APC2: variants seen among roughly 807,000 people sequenced by gnomAD.
APC2 encodes APC regulator of Wnt signaling pathway 2.
A neutral mutation model predicts 72.5 loss-of-function variants in APC2; 41 were observed. The observed-to-expected ratio is 0.57, with a 90% confidence interval of 0.44 to 0.73. The LOEUF (loss-of-function observed/expected upper bound fraction) is 0.73, where lower values mean the gene tolerates loss of function less well. Ranked by LOEUF, APC2 falls within the 30% of genes least tolerant of loss-of-function variation. The pLI is 0.00. For missense variants in APC2, 3,729 were observed against 3,403.4 expected (o/e 1.10, Z -2.38); for synonymous variants, 1,898 against 1,612.0 (o/e 1.18, Z -4.25).
At chr19:1,460,940 G>A (rs2083912969) in intron 12 of APC2, 83 bp downstream of exon 12, 24 of 1,594,790 alleles carry the variant, frequency 1.5e-5, no homozygotes, top group Non-Finnish European at 2.1e-5. Context: ...TGGGCTGGCA[G>A]GGGTGTCCCG....
chr19:1,467,724 GC>G lies in APC2; in HGVS notation c.4428del (p.Ala1477GlnfsTer103). 2 of 1,434,858 alleles carry G rather than the reference GC, an allele frequency of 1.4e-6. No homozygotes were observed. Among genetic ancestry groups the G allele is most frequent in the Admixed American group, 2.8e-5 (1 of 36,232 alleles). The allele number at this position is 1,434,858 out of a possible 1,614,324, so 88.9% of individuals were successfully genotyped here. ...GCTGCCCCTGGGCCGGCCCCCGAGC[GC>G]CCCCGCAGACAAGGACGGCTCAAAG... The part of the protein sequence containing the change: ...LELPLGRPPS[A>X]PADKDGSKPG... On this transcript the variant is annotated frameshift_variant, in exon 15 of 15. Coordinates refer to ENST00000590469, the MANE Select transcript of APC2 (RefSeq NM_005883.3). LOFTEE classifies it low-confidence loss of function (END_TRUNC).
rs576247405 is a variant in APC2 at position 1,467,562 on chromosome 19, G to C, written c.4261G>C (p.Gly1421Arg). ...LQGPPRDQPG[G>R]PAGRQRPTGR... ...GGGACCCCCCAGGGACCAGCCCGGG[G>C]GACCAGCGGGCAGGCAAAGACCCAC... The change falls in exon 15 of 15, where the codon GGA becomes CGA. Residue 1421 changes from glycine to arginine, a missense_variant. Coordinates refer to ENST00000590469, the MANE Select transcript of APC2 (RefSeq NM_005883.3). The C allele has an allele frequency of 1.3e-5, 20 of 1,510,920 alleles. No individual in the cohort carries two copies. In the South Asian group the frequency reaches 2.2e-4, roughly 17 times the overall value. The allele number at this position is 1,510,920 out of a possible 1,614,324, so 93.6% of individuals were successfully genotyped here.
At position 1,470,847 on chromosome 19, in the gene APC2, C is replaced by CCGGAGCCCAAGCGCTCCGG. The variant is rs1023099258; in HGVS notation, c.*645_*663dup. The CCGGAGCCCAAGCGCTCCGG allele has an allele frequency of 2.0e-5, 3 of 152,272 alleles. No individual in the cohort carries two copies. The highest frequency in any genetic ancestry group is 2.1e-4 in the South Asian group (1 of 4,836). 9.4% of individuals were successfully genotyped at this position (152,272 alleles called of 1,614,324 possible). On this transcript the variant is annotated 3_prime_UTR_variant, in exon 15 of 15. Coordinates refer to ENST00000590469, the MANE Select transcript of APC2 (RefSeq NM_005883.3). ...CCCGCCCAGACGGTGTTCAGGGAAC[C>CCGGAGCCCAAGCGCTCCGG]CGGAGCCCAAGCGCTCCGGCGGAGC...
Position 1,450,337 on chromosome 19 carries a change from G to C in APC2, c.-20G>C, listed in dbSNP as rs960332151. Reference sequence around the variant, plus strand: ...CCCGCCAGCCCAGCTGCACGTAAGCGGGTGTGTGTCCTCGGGGAGGAGGGC... The same window carrying C: ...CCCGCCAGCCCAGCTGCACGTAAGCCGGTGTGTGTCCTCGGGGAGGAGGGC... On this transcript the variant is annotated splice_region_variant and 5_prime_UTR_variant, in exon 1 of 15. Coordinates refer to ENST00000590469, the MANE Select transcript of APC2 (RefSeq NM_005883.3). 44 of 985,400 alleles carry C rather than the reference G, an allele frequency of 4.5e-5. No individual in the cohort carries two copies. The highest frequency in any genetic ancestry group is 1.2e-4 in the Admixed American group (2 of 16,272). 61.0% of individuals were successfully genotyped at this position (985,400 alleles called of 1,614,324 possible).
At chr19:1,464,299 A>G (rs2145225522) in intron 14 of APC2, among the ~76,000 whole-genome samples, 1 of 152,224 alleles carries the variant, frequency 6.6e-6, no homozygotes, top group Middle Eastern at 3.4e-3. Flanking sequence ...ACAAGAGTGA[A>G]ACTCCATCTC....
In APC2 at chr19:1,470,417, G is replaced by A. The variant is rs2084115198; in HGVS notation, c.*204G>A. ...CTTGCCTCTGTGCCGCGGAGGTCCAGGAGGAAACGGGGCGGCCGCTAGGCC... is the reference window on the plus strand; with the variant it reads ...CTTGCCTCTGTGCCGCGGAGGTCCAAGAGGAAACGGGGCGGCCGCTAGGCC... On this transcript the variant is annotated 3_prime_UTR_variant, in exon 15 of 15. Coordinates refer to ENST00000590469, the MANE Select transcript of APC2 (RefSeq NM_005883.3). The A allele has an allele frequency of 1.3e-6, 1 of 750,200 alleles. No individual in the cohort carries two copies. Among genetic ancestry groups the A allele is most frequent in the Non-Finnish European group, 2.0e-6 (1 of 505,024 alleles). The allele number at this position is 750,200 out of a possible 1,614,324, so 46.5% of individuals were successfully genotyped here.
Position 1,462,082 on chromosome 19 carries a change from C to CTACA in APC2, c.1759_1762dup (p.Lys588IlefsTer29). 6.2e-7 allele frequency: 1 copy of CTACA among 1,613,042 alleles called. No homozygotes were observed. Among genetic ancestry groups the CTACA allele is most frequent in the Non-Finnish European group, 8.5e-7 (1 of 1,180,008 alleles). ...TGGGCTTCCTGGTGAGCACCCTGAC[C>CTACA]TACAAGTGTCAGAGCAACTCGCTGG... On this transcript the variant is annotated frameshift_variant, in exon 14 of 15. Coordinates refer to ENST00000590469, the MANE Select transcript of APC2 (RefSeq NM_005883.3). LOFTEE classifies it high-confidence loss of function.
In APC2 at chr19:1,466,171, C is replaced by A; in HGVS notation, c.2870C>A (p.Pro957His). ...LAALASRRED[P>H]RCGQPRPSRL... ...GCACTGGCTTCGCGCCGCGAGGACC[C>A]CAGGTGTGGGCAGCCTCGGCCCAGC... The change falls in exon 15 of 15, where the codon CCC becomes CAC. Residue 957 changes from proline to histidine, a missense_variant. By Grantham distance (77) the Pro-to-His change is moderately conservative. Coordinates refer to ENST00000590469, the MANE Select transcript of APC2 (RefSeq NM_005883.3). 6.4e-7 allele frequency: 1 copy of A among 1,567,962 alleles called. No individual in the cohort carries two copies. The highest frequency in any genetic ancestry group is 8.6e-7 in the Non-Finnish European group (1 of 1,167,272).
chr19:1,453,758 A>T (rs1242271519), intron 4 of APC2, 147 bp downstream of exon 4: 2 of 1,132,216 alleles, frequency 1.8e-6, no homozygotes, highest in Non-Finnish European at 2.5e-6. Context: ...CCCACCGAAC[A>T]ACCCCGCCCA....
At chr19:1,454,666 C>G (rs140514490) in intron 4 of APC2, among the ~76,000 whole-genome samples, 1,531 of 150,902 alleles carry the variant, frequency 0.01, 35 homozygotes, top group African/African-American at 0.036. Flanking sequence ...CGGGTTCACA[C>G]CATTCTCCCA....
chr19:1,457,048 C>T lies in APC2; in HGVS notation c.1012C>T (p.Pro338Ser). ...AGGRAGAPGA[P>S]GAKDARMRAN... ...GGGTCGCGCCGGGGCCCCAGGGGCA[C>T]CGGGCGCCAAGGACGCACGCATGCG... Residue 338 changes from proline to serine, a missense_variant, in exon 9 of 15, where the codon CCG becomes TCG. Pro to Ser is a moderately conservative substitution (Grantham distance 74, BLOSUM62 -1). Coordinates refer to ENST00000590469, the MANE Select transcript of APC2 (RefSeq NM_005883.3). The T allele has an allele frequency of 1.3e-6, 2 of 1,529,910 alleles. No individual in the cohort carries two copies. Among genetic ancestry groups the T allele is most frequent in the South Asian group, 2.4e-5 (2 of 82,534 alleles). 94.8% of individuals were successfully genotyped at this position (1,529,910 alleles called of 1,614,324 possible).
Position 1,470,047 on chromosome 19 carries a change from T to G in APC2, c.6746T>G (p.Leu2249Arg), listed in dbSNP as rs1468391738. ...TCCGCACCCTTCGTGCACGAGGGCC[T>G]GGGGGTCGCCGTGGGGGGCTTCCCC... ...PISAPFVHEGLGVAVGGFPAS... is the reference protein window; with the variant it reads ...PISAPFVHEGRGVAVGGFPAS... The change falls in exon 15 of 15, where the codon CTG becomes CGG. Residue 2249 changes from leucine to arginine, a missense_variant. Leu to Arg is a moderately radical substitution (Grantham distance 102). Coordinates refer to ENST00000590469, the MANE Select transcript of APC2 (RefSeq NM_005883.3). The G allele has an allele frequency of 1.1e-5, 18 of 1,577,054 alleles. No homozygotes were observed. The highest frequency in any genetic ancestry group is 1.5e-5 in the Non-Finnish European group (17 of 1,166,692).
intron 13 of APC2, 187 bp from the exon 14 acceptor site, chr19:1,461,776 G>A (rs1326575450): frequency 3.4e-6 from 2 of 580,250 alleles, no homozygotes; most frequent in South Asian, 4.4e-5. Flanking sequence ...CGCTTGAACT[G>A]GGGAGTCGGA....
At position 1,456,045 on chromosome 19, in the gene APC2, C is replaced by T. The variant is rs1213703846; in HGVS notation, c.640-31C>T. 2.0e-6 allele frequency: 3 copies of T among 1,517,726 alleles called. 1 individual carries two copies. Among genetic ancestry groups the T allele is most frequent in the Middle Eastern group, 3.4e-4 (2 of 5,888 alleles). 94.0% of individuals were successfully genotyped at this position (1,517,726 alleles called of 1,614,324 possible). A position where few individuals can be genotyped will look rare whatever the true frequency, so the allele number is the denominator to read the frequency against. On this transcript the variant is annotated intron_variant, in intron 6 of 14. Coordinates refer to ENST00000590469, the MANE Select transcript of APC2 (RefSeq NM_005883.3). ...GTCAGAGCCGGGGGCGGGGTCAGCT[C>T]CAGCACTTGCCCTCGTGTGGTCCTG...
rs1295449612 is a variant in APC2, at chr19:1,468,666, C to T, written c.5365C>T (p.Arg1789Trp). ...CACGCCCGGGGTGCCAGCTGTGCTC[C>T]GGGGACGAACAGTGATCTACGTCCC... The part of the protein sequence containing the change: ...KTTPGVPAVL[R>W]GRTVIYVPSP... The change falls in exon 15 of 15, where the codon CGG (arginine) becomes TGG (tryptophan). Residue 1789 changes from arginine to tryptophan, a missense_variant. Transcript: ENST00000590469. The T allele has an allele frequency of 7.0e-6, 11 of 1,580,360 alleles. No individual in the cohort carries two copies. Among genetic ancestry groups the T allele is most frequent in the Non-Finnish European group, 8.6e-6 (10 of 1,161,032 alleles).
intron 10 of APC2, among the ~76,000 whole-genome samples, chr19:1,459,889 T>C (rs1455591330): frequency 6.6e-6 from 1 of 152,146 alleles, no homozygotes; most frequent in Non-Finnish European, 1.5e-5. Flanking sequence ...CATTCCAGGC[T>C]GAGGGAACAA....
Position 1,470,345 on chromosome 19 carries a change from C to A in APC2, c.*132C>A. 8.0e-7 allele frequency: 1 copy of A among 1,257,508 alleles called. No individual in the cohort carries two copies. The highest frequency in any genetic ancestry group is 1.0e-6 in the Non-Finnish European group (1 of 953,564). The allele number at this position is 1,257,508 out of a possible 1,614,324, so 77.9% of individuals were successfully genotyped here. ...CTGCCCACCCGAGCCCCACCACTCT[C>A]AGAACCCCCGCCCAGCGCACGGCGA... is the stretch of plus-strand genomic sequence containing the variant. On this transcript the variant is annotated 3_prime_UTR_variant, in exon 15 of 15. Transcript: ENST00000590469.
chr19:1,460,074 G>T (rs2083898703), intron 10 of APC2, 107 bp from the exon 11 acceptor site: 1 of 1,453,996 alleles, frequency 6.9e-7, no homozygotes, highest in Non-Finnish European at 9.4e-7. Flanking sequence ...GAACTTGAGG[G>T]CAGGTCTGGG....
Position 1,466,670 on chromosome 19 carries a change from C to A in APC2, c.3369C>A (p.Pro1123=). Residue 1123 remains proline (P), a synonymous_variant, in exon 15 of 15, where the codon CCC becomes CCA. Coordinates refer to ENST00000590469, the MANE Select transcript of APC2 (RefSeq NM_005883.3). ...TWRAPGATSL[P]VAIPAPRRNR... is the part of the protein sequence containing the mutation. ...GGGCGCCCGGGGCCACCTCGCTGCC[C>A]GTAGCCATTCCGGCTCCCCGGCGTA... The A allele has an allele frequency of 2.7e-6, 4 of 1,503,928 alleles. No homozygotes were observed. The highest frequency in any genetic ancestry group is 1.4e-5 in the African/African-American group (1 of 72,756). 93.2% of individuals were successfully genotyped at this position (1,503,928 alleles called of 1,614,324 possible).
Sources: allele counts gnomAD v4.1 joint callset (sites outside exome capture counted in the v4.1 genomes callset), GRCh38; gene constraint gnomAD v4.1.1; transcripts MANE v1.5; gene names NCBI Gene and HGNC (gene_info 2026-07-23, HGNC 2026-07-21).